NELL1: variants seen among roughly 807,000 people sequenced by gnomAD.
NELL1 encodes the protein protein kinase C-binding protein NELL1.
A neutral mutation model predicts 107.4 loss-of-function variants in NELL1; 76 were observed. That is an observed-to-expected ratio of 0.71 (90% CI 0.59 to 0.86). The LOEUF (loss-of-function observed/expected upper bound fraction) is 0.86. Among genes scored for constraint, NELL1 ranks in the 40% least tolerant of loss-of-function variants. NELL1 has a pLI of 0.00. For synonymous variants in NELL1, 353 were observed against 341.2 expected, an observed-to-expected ratio of 1.03 and a Z score of -0.38; for missense variants, 1,024 against 1,005.5, an observed-to-expected ratio of 1.02 and a Z score of -0.25.
rs572348022 is a variant in NELL1 at position 21,275,454 on chromosome 11, C to T, written c.1549+46000C>T. ...GTCCAGGACCAGATGGATTCACAGCCGAATTCTACCAGAGGTACAAGGAGG... is the reference window on the plus strand; with the variant it reads ...GTCCAGGACCAGATGGATTCACAGCTGAATTCTACCAGAGGTACAAGGAGG... On this transcript the variant is annotated intron_variant, in intron 14 of 19. Transcript: ENST00000357134. Among the ~76,000 whole-genome samples the T allele has an allele frequency of 1.1e-4, 17 of 152,238 alleles. No homozygotes were observed. In the South Asian group the frequency reaches 2.7e-3, roughly 24 times the overall value.
At chr11:21,462,927 T>C (rs1445610313) in intron 15 of NELL1, among the ~76,000 whole-genome samples, 2 of 152,014 alleles carry the variant, frequency 1.3e-5, no homozygotes, top group Admixed American at 1.3e-4. Context: ...AATGGCAGTT[T>C]GGATACCATT....
At chr11:21,456,383 A>ATTACTGTAAAGGCCCC (rs1853736309) in intron 15 of NELL1, among the ~76,000 whole-genome samples, 1 of 151,978 alleles carries the variant, frequency 6.6e-6, no homozygotes, top group African/African-American at 2.4e-5. Flanking sequence ...CATTACAGAG[A>ATTACTGTAAAGGCCCC]ATATAAGCAG....
At chr11:21,268,608 A>C (rs760563720) in intron 14 of NELL1, among the ~76,000 whole-genome samples, 2 of 152,184 alleles carry the variant, frequency 1.3e-5, no homozygotes, top group Non-Finnish European at 2.9e-5. Flanking sequence ...TGTGAAATTC[A>C]TAGTTCAGAG....
At chr11:21,046,270 T>C (rs1305474082) in intron 12 of NELL1, among the ~76,000 whole-genome samples, 2 of 152,218 alleles carry the variant, frequency 1.3e-5, no homozygotes, top group Non-Finnish European at 2.9e-5. Flanking sequence ...TTCTGGTGGC[T>C]TTTAATCATA....
At chr11:20,768,146 T>C (rs1188343528) in intron 2 of NELL1, among the ~76,000 whole-genome samples, 2 of 152,252 alleles carry the variant, frequency 1.3e-5, no homozygotes, top group Non-Finnish European at 2.9e-5. Context: ...TTCTAAATTC[T>C]TTATATTCAT....
At chr11:21,271,801 T>A (rs1397952694) in intron 14 of NELL1, among the ~76,000 whole-genome samples, 1 of 152,210 alleles carries the variant, frequency 6.6e-6, no homozygotes. Flanking sequence ...TTATCCCAGG[T>A]AAGGCAAGAC....
At chr11:21,556,943 C>T (rs990106384) in intron 16 of NELL1, among the ~76,000 whole-genome samples, 7 of 151,782 alleles carry the variant, frequency 4.6e-5, no homozygotes, top group African/African-American at 7.3e-5. Context: ...CATTGGGAGG[C>T]CTGTCTGATG....
chr11:20,852,069 C>T (rs552396926), intron 4 of NELL1, among the ~76,000 whole-genome samples: 3 of 152,298 alleles, frequency 2.0e-5, no homozygotes, highest in East Asian at 1.9e-4. Flanking sequence ...TGTAATATGC[C>T]GGCATCCCTA....
At chr11:21,329,288 C>G (rs1850219375) in intron 14 of NELL1, among the ~76,000 whole-genome samples, 1 of 151,762 alleles carries the variant, frequency 6.6e-6, no homozygotes, top group Admixed American at 6.6e-5. Flanking sequence ...GGGGCTTTTC[C>G]CCCTTTTGCT....
At chr11:21,015,370 A>G (rs1419526557) in intron 12 of NELL1, among the ~76,000 whole-genome samples, 3 of 152,096 alleles carry the variant, frequency 2.0e-5, no homozygotes, top group East Asian at 3.9e-4. Context: ...ACGTGGGCTC[A>G]TGACTTGCTC....
At chr11:21,359,342 G>C (rs1032930069) in intron 14 of NELL1, among the ~76,000 whole-genome samples, 1 of 152,094 alleles carries the variant, frequency 6.6e-6, no homozygotes, top group Admixed American at 6.5e-5. Flanking sequence ...CTTGATAATG[G>C]TGTATTATCT....
chr11:20,721,223 ATATATTTTGTT>A (rs1433268821), intron 2 of NELL1, among the ~76,000 whole-genome samples: 21 of 67,078 alleles, frequency 3.1e-4, no homozygotes, highest in Admixed American at 9.2e-4. Flanking sequence ...TTGTTTATAT[ATATATTTTGTT>A]TATATATATA....
At chr11:21,352,677 G>A (rs1850844634) in intron 14 of NELL1, among the ~76,000 whole-genome samples, 1 of 152,072 alleles carries the variant, frequency 6.6e-6, no homozygotes, top group African/African-American at 2.4e-5. Context: ...ATCAATTTTG[G>A]ATCCTGTTCA....
intron 15 of NELL1, among the ~76,000 whole-genome samples, chr11:21,484,398 G>C (rs141781914): frequency 6.6e-6 from 1 of 151,254 alleles, no homozygotes; most frequent in Non-Finnish European, 1.5e-5. Context: ...TATTTACATT[G>C]CTTTATGGTG....
In NELL1 at chr11:21,549,395, G is replaced by T. The variant is rs184475693; in HGVS notation, c.1787-10794G>T. Among the ~76,000 whole-genome samples the T allele has an allele frequency of 2.6e-4, 39 of 151,966 alleles. 2 individuals carry two copies. The highest frequency in any genetic ancestry group is 3.4e-3 in the Middle Eastern group (1 of 294). ...TCATAACTCAATAAAAGTACCTAGGGTGGCCAGGATAGCAAACCATCTGCA... is the reference window on the plus strand; with the variant it reads ...TCATAACTCAATAAAAGTACCTAGGTTGGCCAGGATAGCAAACCATCTGCA... On this transcript the variant is annotated intron_variant, in intron 16 of 19. Transcript: ENST00000357134.
At chr11:21,519,538 G>GTT (rs1234168695) in intron 15 of NELL1, among the ~76,000 whole-genome samples, 40 of 61,882 alleles carry the variant, frequency 6.5e-4, no homozygotes, top group African/African-American at 1.3e-3. Flanking sequence ...GTTTTGTTTT[G>GTT]TTTTTTGTTT....
intron 14 of NELL1, among the ~76,000 whole-genome samples, chr11:21,298,577 T>G (rs1303642756): frequency 6.6e-6 from 1 of 151,930 alleles, no homozygotes; most frequent in Admixed American, 6.6e-5. Flanking sequence ...ATCACCCTCC[T>G]TAGTCAGCCT....
intron 12 of NELL1, among the ~76,000 whole-genome samples, chr11:20,978,193 A>G (rs970575349): frequency 3.0e-4 from 46 of 152,204 alleles, no homozygotes; most frequent in African/African-American, 1.1e-3. Flanking sequence ...TCTGTAACAA[A>G]CCATCTCATT....
chr11:21,511,428 G>C (rs1202321731), intron 15 of NELL1, among the ~76,000 whole-genome samples: 1 of 152,136 alleles, frequency 6.6e-6, no homozygotes, highest in Non-Finnish European at 1.5e-5. Context: ...CGGCAATCTG[G>C]AGTGTTATGG....
Sources: gnomAD v4.1 joint callset for allele counts (sites outside exome capture counted in the v4.1 genomes callset) on GRCh38, gnomAD v4.1.1 for gene constraint, MANE v1.5 for transcripts, NCBI Gene and HGNC (gene_info 2026-07-23, HGNC 2026-07-21) for gene names.